SRPRB: variants seen among roughly 807,000 people sequenced by gnomAD.
SRPRB encodes the protein SRP receptor subunit beta.
A neutral mutation model predicts 31.9 loss-of-function variants in SRPRB; 20 were observed. The ratio of observed to expected loss-of-function variants is 0.63; its 90% CI spans 0.44 to 0.91. The LOEUF is 0.91. Among genes scored for constraint, SRPRB ranks in the 40% least tolerant of loss-of-function variants. SRPRB has a pLI of 0.00. For synonymous variants in SRPRB, 146 were observed against 132.8 expected, an observed-to-expected ratio of 1.10 and a Z score of -0.68; for missense variants, 321 against 324.9, an observed-to-expected ratio of 0.99 and a Z score of 0.09.
upstream of SRPRB, among the ~76,000 whole-genome samples, chr3:133,803,721 G>C (rs988630458): frequency 6.6e-6 from 1 of 150,732 alleles, no homozygotes; most frequent in African/African-American, 2.4e-5. Context: ...CTGGAGTGCA[G>C]TGGCATGTGA....
chr3:133,793,466 C>G (rs977055724), intron 1 of SRPRB: 3 of 151,964 alleles, frequency 2.0e-5, no homozygotes, highest in Non-Finnish European at 4.4e-5. Context: ...AATTATTTGA[C>G]ATGTTTAATT....
intron 1 of SRPRB, chr3:133,784,423 T>C (rs922252567): frequency 1.3e-5 from 2 of 149,720 alleles, no homozygotes; most frequent in African/African-American, 2.5e-5. Context: ...TTGTGACTTA[T>C]GATAGAGTTA....
chr3:133,794,572 G>C (rs1424330056), intron 1 of SRPRB: 3 of 152,184 alleles, frequency 2.0e-5, no homozygotes, highest in Non-Finnish European at 2.9e-5. Context: ...ACTGAAGATT[G>C]TATCTTCTGA....
At chr3:133,827,281 G>C (rs1559896678), downstream of SRPRB, 1 of 152,300 alleles carries the variant, frequency 6.6e-6, no homozygotes, top group Non-Finnish European at 1.5e-5. Flanking sequence ...GACATGCCCA[G>C]CAGCAGCCTG....
At chr3:133,828,422 AGT>A, downstream of SRPRB, 1 of 369,604 alleles carries the variant, frequency 2.7e-6, no homozygotes. Context: ...GTTCTCTATA[AGT>A]TTACAAATAT....
intron 1 of SRPRB, chr3:133,793,126 A>G (rs1185651671): frequency 6.6e-6 from 1 of 152,180 alleles, no homozygotes; most frequent in African/African-American, 2.4e-5. Flanking sequence ...TTAAAAGATA[A>G]TGAAAGATCT....
At chr3:133,822,734 G>A (rs909354406), downstream of SRPRB, among the ~76,000 whole-genome samples, 5 of 152,166 alleles carry the variant, frequency 3.3e-5, no homozygotes, top group Non-Finnish European at 7.4e-5. Flanking sequence ...AATTGTCAAA[G>A]CTTCAGTTGG....
chr3:133,824,411 A>G (rs1454800181), downstream of SRPRB: 7 of 152,002 alleles, frequency 4.6e-5, no homozygotes. Context: ...GGGTGAGGGG[A>G]AAGTGAGGGG....
chr3:133,800,353 A>T (rs557034608), intron 1 of SRPRB, among the ~76,000 whole-genome samples: 38 of 152,338 alleles, frequency 2.5e-4, no homozygotes, highest in African/African-American at 8.9e-4. Flanking sequence ...GGACTGTCCA[A>T]AGTATCAGAG....
chr3:133,788,157 A>G (rs1477637245), intron 1 of SRPRB: 10 of 152,366 alleles, frequency 6.6e-5, no homozygotes, highest in African/African-American at 2.4e-4. Flanking sequence ...CTAGAAATAA[A>G]TGAAATGGAA....
At position 133,815,594 on chromosome 3, in the gene SRPRB, A is replaced by G; in HGVS notation, c.415A>G (p.Ile139Val). The G allele has an allele frequency of 3.1e-6, 5 of 1,613,610 alleles. No homozygotes were observed. Among genetic ancestry groups the G allele is most frequent in the Non-Finnish European group, 4.2e-6 (5 of 1,179,914 alleles). Residue 139 changes from isoleucine to valine, a missense_variant, in exon 5 of 7, where the codon ATT becomes GTT. By Grantham distance (29) the Ile-to-Val change is conservative. Coordinates refer to ENST00000678299, the MANE Select transcript of SRPRB (RefSeq NM_001379313.1). ...LERFKSSARAIVFVVDSAAFQ... is the reference protein window; with the variant it reads ...LERFKSSARAVVFVVDSAAFQ... ...TTTCTTGTTTTCTCCCTCCAGGGCT[A>G]TTGTGTTTGTTGTGGATAGTGCAGC...
At position 133,819,967 on chromosome 3, in the gene SRPRB, T is replaced by A; in HGVS notation, c.*201T>A. The A allele has an allele frequency of 7.1e-6, 4 of 560,984 alleles. No homozygotes were observed. The highest frequency in any genetic ancestry group is 1.3e-5 in the Non-Finnish European group (4 of 314,586). The allele number at this position is 560,984 out of a possible 1,614,324, so 34.8% of individuals were successfully genotyped here. A position where few individuals can be genotyped will look rare whatever the true frequency, so the allele number is the denominator to read the frequency against. On this transcript the variant is annotated 3_prime_UTR_variant, in exon 7 of 7. Coordinates refer to ENST00000678299, the MANE Select transcript of SRPRB (RefSeq NM_001379313.1). ...TTCAGTTCTCCCTTATGGCTGCCTT[T>A]CAAACAAGTACCTTTTATCTGATGC...
chr3:133,815,566 GTT>G, intron 4 of SRPRB, 22 bp from the exon 5 acceptor site: 3 of 1,612,110 alleles, frequency 1.9e-6, no homozygotes, highest in Non-Finnish European at 2.5e-6. Context: ...TCACATGCCA[GTT>G]TTTCTTGTTT....
chr3:133,828,231 G>A (rs1935603391), downstream of SRPRB: 1 of 536,462 alleles, frequency 1.9e-6, no homozygotes, highest in South Asian at 2.3e-5. Flanking sequence ...AGAGGCTGAT[G>A]TGTTCAACCA....
chr3:133,825,448 G>A (rs1175644842), downstream of SRPRB: 2 of 152,230 alleles, frequency 1.3e-5, no homozygotes, highest in Admixed American at 1.3e-4. Context: ...ATGACTGAAT[G>A]TTTAAGGATG....
upstream of SRPRB, among the ~76,000 whole-genome samples, chr3:133,803,354 C>T (rs985172399): frequency 6.6e-6 from 1 of 152,222 alleles, no homozygotes; most frequent in Non-Finnish European, 1.5e-5. Context: ...CAGAAAATCC[C>T]TTCTGGTCTG....
chr3:133,825,794 A>T (rs1165131020), downstream of SRPRB: 1 of 152,192 alleles, frequency 6.6e-6, no homozygotes, highest in Non-Finnish European at 1.5e-5. Flanking sequence ...GGATCCTGCT[A>T]ATCTGCCAGG....
chr3:133,804,559 G>A (rs748423900), upstream of SRPRB, among the ~76,000 whole-genome samples: 3 of 152,176 alleles, frequency 2.0e-5, no homozygotes, highest in Admixed American at 6.5e-5. Context: ...TGGACAGGGA[G>A]TTGCTGGGTA....
intron 6 of SRPRB, among the ~76,000 whole-genome samples, chr3:133,818,785 AGTGTGTGT>A (rs146467727): frequency 9.4e-4 from 135 of 144,208 alleles, no homozygotes; most frequent in African/African-American, 2.3e-3. Flanking sequence ...ATACTTTTAC[AGTGTGTGT>A]GTGTGTGTGT....
Sources: gnomAD v4.1 joint callset for allele counts (sites outside exome capture counted in the v4.1 genomes callset) on GRCh38, gnomAD v4.1.1 for gene constraint, MANE v1.5 for transcripts, NCBI Gene and HGNC (gene_info 2026-07-23, HGNC 2026-07-21) for gene names.